Variants in TBC1D19 observed in about 807,000 individuals in gnomAD.
TBC1D19 encodes the protein TBC1 domain family member 19.
A neutral mutation model predicts 89.0 loss-of-function variants in TBC1D19; 60 were observed. The ratio of observed to expected loss-of-function variants is 0.67; its 90% CI spans 0.55 to 0.84. The LOEUF is 0.84. Among genes scored for constraint, TBC1D19 ranks in the 40% least tolerant of loss-of-function variants. The probability of loss-of-function intolerance (pLI) is 0.00; values close to 1 mark genes in which losing one functional copy is unlikely to be tolerated. For missense variants in TBC1D19, 500 were observed against 610.8 expected (o/e 0.82, Z 1.91); for synonymous variants, 189 against 199.7 (o/e 0.95, Z 0.45).
chr4:26,821,631 G>A, the TBC1D19 span, among the ~76,000 whole-genome samples: 6 of 152,366 alleles, frequency 3.9e-5, no homozygotes, highest in East Asian at 1.2e-3. Context: ...GCAAGAATGA[G>A]AGACTGGAGA....
At chr4:26,610,217 A>G (rs191567653) in intron 1 of TBC1D19, among the ~76,000 whole-genome samples, 49 of 152,100 alleles carry the variant, frequency 3.2e-4, no homozygotes, top group Non-Finnish European at 6.3e-4. Context: ...TTTTTAACCC[A>G]TAAGTATATA....
intron 12 of TBC1D19, among the ~76,000 whole-genome samples, chr4:26,685,706 G>C (rs1023072763): frequency 3.9e-5 from 6 of 152,172 alleles, no homozygotes; most frequent in South Asian, 2.1e-4. Flanking sequence ...GTATTTCACA[G>C]AGGTTTTTCA....
intron 4 of TBC1D19, among the ~76,000 whole-genome samples, chr4:26,625,308 G>A (rs1300039188): frequency 6.6e-6 from 1 of 152,142 alleles, no homozygotes; most frequent in Non-Finnish European, 1.5e-5. Flanking sequence ...AAGGAAGTTT[G>A]CAAATTGAGG....
intron 15 of TBC1D19, among the ~76,000 whole-genome samples, chr4:26,721,448 C>A (rs1172371014): frequency 1.3e-5 from 2 of 151,974 alleles, no homozygotes; most frequent in Non-Finnish European, 2.9e-5. Flanking sequence ...ACGTCTGGAA[C>A]CCTCTCTTCC....
downstream of TBC1D19, among the ~76,000 whole-genome samples, chr4:26,759,549 TCAC>T (rs1219604720): frequency 1.3e-5 from 2 of 152,156 alleles, no homozygotes; most frequent in Non-Finnish European, 2.9e-5. Context: ...TATACCCATG[TCAC>T]CACCACCACA....
At chr4:26,731,803 T>TA (rs1717677408) in intron 15 of TBC1D19, among the ~76,000 whole-genome samples, 1 of 152,034 alleles carries the variant, frequency 6.6e-6, no homozygotes, top group African/African-American at 2.4e-5. Context: ...GGCCATTAAG[T>TA]ACAGCATACA....
chr4:26,829,194 T>C, the TBC1D19 span, among the ~76,000 whole-genome samples: 2 of 152,236 alleles, frequency 1.3e-5, no homozygotes, highest in African/African-American at 4.8e-5. Flanking sequence ...AACGGTTGCC[T>C]GCACCAAATG....
chr4:26,609,556 T>C (rs1741232607), intron 1 of TBC1D19, among the ~76,000 whole-genome samples: 2 of 151,994 alleles, frequency 1.3e-5, no homozygotes, highest in South Asian at 2.1e-4. Flanking sequence ...GGGAAATCAG[T>C]GAATATAGTT....
the TBC1D19 span, among the ~76,000 whole-genome samples, chr4:26,809,704 G>C: frequency 6.6e-6 from 1 of 152,174 alleles, no homozygotes; most frequent in Admixed American, 6.5e-5. Context: ...CAGCCTCAGA[G>C]TTATCACACC....
rs185675185 is a variant in TBC1D19, at chr4:26,653,506, C to G, written c.481-6091C>G. ...TCTCCCATTATTATTGTGTGGGAGT[C>G]TAAGTCTCTTTTTAGGTGTCTCAGG... On this transcript the variant is annotated intron_variant, in intron 7 of 20. Transcript: ENST00000264866. Among the ~76,000 whole-genome samples the G allele has an allele frequency of 7.7e-4, 117 of 152,240 alleles. 1 individual carries two copies. Among genetic ancestry groups the G allele is most frequent in the African/African-American group, 2.5e-3 (105 of 41,528 alleles).
intron 13 of TBC1D19, among the ~76,000 whole-genome samples, chr4:26,703,386 G>A (rs1176956092): frequency 6.6e-6 from 1 of 152,102 alleles, no homozygotes; most frequent in African/African-American, 2.4e-5. Context: ...AAAATTGTGT[G>A]TGTGCATGTG....
chr4:26,769,384 G>C, the TBC1D19 span, among the ~76,000 whole-genome samples: 16 of 151,548 alleles, frequency 1.1e-4, no homozygotes, highest in Non-Finnish European at 2.1e-4. Context: ...TAACCATGTG[G>C]GTAAATAGAA....
intron 9 of TBC1D19, among the ~76,000 whole-genome samples, chr4:26,668,723 T>C (rs1712025752): frequency 6.6e-6 from 1 of 151,934 alleles, no homozygotes; most frequent in Admixed American, 6.6e-5. Context: ...AAGTTTTTTA[T>C]ATTCAGAATT....
chr4:26,601,749 G>T (rs1259682738), intron 1 of TBC1D19, among the ~76,000 whole-genome samples: 1 of 152,136 alleles, frequency 6.6e-6, no homozygotes, highest in African/African-American at 2.4e-5. Flanking sequence ...GATAGGAATT[G>T]GAGTGAGTGC....
the TBC1D19 span, among the ~76,000 whole-genome samples, chr4:26,825,265 A>AT: frequency 2.0e-5 from 3 of 151,986 alleles, no homozygotes; most frequent in East Asian, 5.8e-4. Flanking sequence ...CGCCCAGCTA[A>AT]TTTTTGTATC....
chr4:26,825,483 G>A, the TBC1D19 span, among the ~76,000 whole-genome samples: 1 of 152,092 alleles, frequency 6.6e-6, no homozygotes, highest in East Asian at 1.9e-4. Flanking sequence ...TTTTTTCAAT[G>A]ACATTTTCTT....
chr4:26,587,297 G>A (rs1739474199), intron 1 of TBC1D19, among the ~76,000 whole-genome samples: 2 of 152,084 alleles, frequency 1.3e-5, no homozygotes, highest in African/African-American at 2.4e-5. Context: ...CTGGTTTGTG[G>A]CCAGGCGCGA....
At chr4:26,656,910 A>T (rs920392920) in intron 7 of TBC1D19, among the ~76,000 whole-genome samples, 17 of 147,782 alleles carry the variant, frequency 1.2e-4, no homozygotes, top group Non-Finnish European at 2.4e-4. Context: ...TGCTTTTCAA[A>T]TTTTTTTTTT....
At chr4:26,673,725 T>C (rs1459020931) in intron 10 of TBC1D19, 51 bp from the exon 11 acceptor site, 7 of 1,142,228 alleles carry the variant, frequency 6.1e-6, no homozygotes, top group Admixed American at 1.8e-5. Context: ...ATTTCAGTGA[T>C]GTTTCTTACA....
Sources: allele counts gnomAD v4.1 joint callset (sites outside exome capture counted in the v4.1 genomes callset), GRCh38; gene constraint gnomAD v4.1.1; transcripts MANE v1.5; gene names NCBI Gene and HGNC (gene_info 2026-07-23, HGNC 2026-07-21).